The following ARHGAP15 variants were observed in gnomAD, a reference collection of about 807,000 sequenced individuals.
ARHGAP15 encodes rho GTPase-activating protein 15.
In ARHGAP15, 51 loss-of-function variants were observed where a neutral mutation model predicts 63.7. The ratio of observed to expected loss-of-function variants is 0.80; its 90% CI spans 0.64 to 1.01. The LOEUF is 1.01. ARHGAP15 is among the 50% of genes least tolerant of loss of function. The pLI, the probability that ARHGAP15 is intolerant of heterozygous loss-of-function variation, is 0.00. For synonymous variants in ARHGAP15, 191 were observed against 193.8 expected, an observed-to-expected ratio of 0.99 and a Z score of 0.12; for missense variants, 560 against 564.6, an observed-to-expected ratio of 0.99 and a Z score of 0.08.
At chr2:143,582,210 C>T (rs773953405) in intron 11 of ARHGAP15, among the ~76,000 whole-genome samples, 14 of 152,026 alleles carry the variant, frequency 9.2e-5, no homozygotes, top group Non-Finnish European at 1.9e-4. Context: ...AAGCATGAGG[C>T]AAAAGGGTGT....
At chr2:143,146,498 C>T (rs546003701) in intron 1 of ARHGAP15, among the ~76,000 whole-genome samples, 2 of 152,038 alleles carry the variant, frequency 1.3e-5, no homozygotes, top group South Asian at 4.1e-4. Context: ...TGGAACAGAG[C>T]TGTGCGGGGA....
At chr2:143,490,604 C>CTTAT (rs1363968029) in intron 9 of ARHGAP15, among the ~76,000 whole-genome samples, 14 of 151,984 alleles carry the variant, frequency 9.2e-5, no homozygotes, top group Admixed American at 2.6e-4. Flanking sequence ...GCTGTATTTT[C>CTTAT]TTATTTATTT....
chr2:143,434,691 G>GT (rs1689532196), intron 6 of ARHGAP15, among the ~76,000 whole-genome samples: 2 of 152,142 alleles, frequency 1.3e-5, no homozygotes, highest in Non-Finnish European at 2.9e-5. Flanking sequence ...TCATCTTCCA[G>GT]TTGCAAGGAA....
intron 3 of ARHGAP15, among the ~76,000 whole-genome samples, chr2:143,207,953 A>G (rs555745118): frequency 6.6e-6 from 1 of 152,186 alleles, no homozygotes; most frequent in East Asian, 1.9e-4. Context: ...TATGTTCCCT[A>G]CTTTCATCTC....
chr2:143,313,876 G>A (rs1020743834), intron 6 of ARHGAP15, among the ~76,000 whole-genome samples: 3 of 151,690 alleles, frequency 2.0e-5, no homozygotes, highest in African/African-American at 7.3e-5. Flanking sequence ...GTTGTACTTT[G>A]ATTTTTAAGA....
chr2:143,393,516 G>A (rs1371781103), intron 6 of ARHGAP15, among the ~76,000 whole-genome samples: 1 of 152,056 alleles, frequency 6.6e-6, no homozygotes, highest in Admixed American at 6.5e-5. Context: ...GGTGGATCAT[G>A]AAGTCAGGAG....
At chr2:143,676,448 C>T (rs1682829635) in intron 12 of ARHGAP15, 1 of 152,186 alleles carries the variant, frequency 6.6e-6, no homozygotes, top group Non-Finnish European at 1.5e-5. Flanking sequence ...AAGCTCAATC[C>T]TGTTCTGCTT....
intron 9 of ARHGAP15, among the ~76,000 whole-genome samples, chr2:143,496,958 G>A (rs1012735082): frequency 6.6e-6 from 1 of 152,130 alleles, no homozygotes; most frequent in Non-Finnish European, 1.5e-5. Flanking sequence ...CAGAATTCTG[G>A]CATGCCCTAT....
At chr2:143,591,039 T>C (rs1365053573) in intron 11 of ARHGAP15, among the ~76,000 whole-genome samples, 1 of 152,090 alleles carries the variant, frequency 6.6e-6, no homozygotes. Flanking sequence ...TACCCAGGAG[T>C]TATTTCTTCA....
At chr2:143,288,863 T>G (rs1464418812) in intron 6 of ARHGAP15, among the ~76,000 whole-genome samples, 1 of 152,144 alleles carries the variant, frequency 6.6e-6, no homozygotes, top group Non-Finnish European at 1.5e-5. Context: ...CAGAAATCTC[T>G]GAAATGCCTT....
intron 12 of ARHGAP15, among the ~76,000 whole-genome samples, chr2:143,636,752 T>A (rs1258978761): frequency 6.6e-6 from 1 of 152,134 alleles, no homozygotes; most frequent in Non-Finnish European, 1.5e-5. Context: ...TCCAGACCCT[T>A]CATCACCAAG....
At chr2:143,254,094 T>G (rs1047036841) in intron 6 of ARHGAP15, among the ~76,000 whole-genome samples, 30 of 152,148 alleles carry the variant, frequency 2.0e-4, no homozygotes, top group African/African-American at 6.3e-4. Context: ...ATAAAAAGAT[T>G]TATGTTCAAA....
At chr2:143,540,035 A>C (rs555433555) in intron 10 of ARHGAP15, among the ~76,000 whole-genome samples, 22 of 152,238 alleles carry the variant, frequency 1.4e-4, no homozygotes, top group African/African-American at 5.3e-4. Context: ...GTAGGTCACT[A>C]AGGACTTGCT....
At chr2:143,487,341 A>C (rs764932268) in intron 8 of ARHGAP15, 32 bp from the exon 9 acceptor site, 1 of 1,583,548 alleles carries the variant, frequency 6.3e-7, no homozygotes, top group South Asian at 1.2e-5. Context: ...GGAGAAATTT[A>C]CCAAAAGCCT....
intron 6 of ARHGAP15, among the ~76,000 whole-genome samples, chr2:143,421,722 TTA>T (rs1688925284): frequency 6.6e-6 from 1 of 150,824 alleles, no homozygotes; most frequent in South Asian, 2.1e-4. Flanking sequence ...TTTGTTTCAA[TTA>T]TATGATATAT....
chr2:143,419,969 A>T (rs1688850179), intron 6 of ARHGAP15, among the ~76,000 whole-genome samples: 1 of 152,160 alleles, frequency 6.6e-6, no homozygotes. Flanking sequence ...AACTTAATTA[A>T]AATTCCAGAC....
At chr2:143,361,210 T>C (rs1686038580) in intron 6 of ARHGAP15, among the ~76,000 whole-genome samples, 1 of 152,150 alleles carries the variant, frequency 6.6e-6, no homozygotes, top group South Asian at 2.1e-4. Context: ...GAATTAGAAA[T>C]CCAATTTATC....
At chr2:143,413,966 T>TGTGTGCGCGCGCGCGTGC in intron 6 of ARHGAP15, among the ~76,000 whole-genome samples, 6 of 117,910 alleles carry the variant, frequency 5.1e-5, no homozygotes, top group African/African-American at 2.1e-4. Flanking sequence ...TGTGTGTGTG[T>TGTGTGCGCGCGCGCGTGC]GCGCGCTCTC....
At chr2:143,401,366 A>G (rs1451892447) in intron 6 of ARHGAP15, among the ~76,000 whole-genome samples, 1 of 152,046 alleles carries the variant, frequency 6.6e-6, no homozygotes, top group African/African-American at 2.4e-5. Context: ...TCAGCACTCA[A>G]GATGTCCCCA....
Sources: gnomAD v4.1 joint callset for allele counts (sites outside exome capture counted in the v4.1 genomes callset) on GRCh38, gnomAD v4.1.1 for gene constraint, MANE v1.5 for transcripts, NCBI Gene and HGNC (gene_info 2026-07-23, HGNC 2026-07-21) for gene names.